Variants in PDS5A observed in about 807,000 individuals in gnomAD.
The protein encoded by PDS5A is PDS5 cohesin associated factor A, also known as sister chromatid cohesion protein PDS5 homolog A.
In PDS5A, 42 loss-of-function variants were observed where a neutral mutation model predicts 167.1. The ratio of observed to expected loss-of-function variants is 0.25; its 90% CI spans 0.20 to 0.33. The LOEUF is 0.33. Among genes scored for constraint, PDS5A ranks in the 10% least tolerant of loss-of-function variants. The pLI is 1.00. For synonymous variants in PDS5A, 553 were observed against 554.6 expected, an observed-to-expected ratio of 1.00 and a Z score of 0.04; for missense variants, 1,033 against 1,605.9, an observed-to-expected ratio of 0.64 and a Z score of 6.10.
intron 31 of PDS5A, among the ~76,000 whole-genome samples, chr4:39,841,215 C>T (rs1047834915): frequency 6.6e-6 from 1 of 152,238 alleles, no homozygotes; most frequent in African/African-American, 2.4e-5. Context: ...TCTTAGCTCA[C>T]TGCAACCTCC....
chr4:39,930,873 A>T (rs1331639747), intron 2 of PDS5A, among the ~76,000 whole-genome samples: 1 of 152,250 alleles, frequency 6.6e-6, no homozygotes, highest in Non-Finnish European at 1.5e-5. Context: ...CAAAACTCAT[A>T]GGATGCACTT....
At position 39,898,420 on chromosome 4, in the gene PDS5A, G is replaced by T; in HGVS notation, c.1739C>A (p.Thr580Asn). The change falls in exon 16 of 33, where the codon ACC becomes AAC. Residue 580 changes from threonine (T) to asparagine (N), a missense_variant. Transcript: ENST00000303538. ...AATATCTGCTTGTTTGCAAGAACAG[G>T]TTGGGCTAATTAATAACTCCAACTG... The part of the protein sequence containing the change: ...RSQLELLISP[T>N]CSCKQADICV... The T allele has an allele frequency of 6.3e-7, 1 of 1,587,580 alleles. No homozygotes were observed. Among genetic ancestry groups the T allele is most frequent in the Middle Eastern group, 1.7e-4 (1 of 6,026 alleles).
At chr4:39,909,620 T>G (rs1265820896) in intron 10 of PDS5A, among the ~76,000 whole-genome samples, 1 of 152,232 alleles carries the variant, frequency 6.6e-6, no homozygotes, top group Non-Finnish European at 1.5e-5. Context: ...TATTTTATAA[T>G]CTGTTCAAAA....
intron 2 of PDS5A, among the ~76,000 whole-genome samples, chr4:39,972,851 AT>A (rs1251875646): frequency 1.4e-5 from 2 of 142,870 alleles, no homozygotes; most frequent in African/African-American, 2.6e-5. Context: ...GCTGAAAATT[AT>A]TTTTCCCAGG....
chr4:39,871,504 C>CCT (rs1720025502), intron 21 of PDS5A, among the ~76,000 whole-genome samples: 1 of 152,138 alleles, frequency 6.6e-6, no homozygotes, highest in East Asian at 1.9e-4. Flanking sequence ...AGAAGGGGCA[C>CCT]TAGCAGGTGT....
At chr4:39,883,423 C>T (rs1245129723) in intron 17 of PDS5A, among the ~76,000 whole-genome samples, 12 of 152,312 alleles carry the variant, frequency 7.9e-5, no homozygotes, top group South Asian at 2.1e-4. Flanking sequence ...GCAGGTGATC[C>T]GCCCACTTCG....
At chr4:39,939,260 G>C (rs1291812092) in intron 2 of PDS5A, among the ~76,000 whole-genome samples, 1 of 151,976 alleles carries the variant, frequency 6.6e-6, no homozygotes, top group Admixed American at 6.6e-5. Flanking sequence ...CCAAGTGTTG[G>C]AGACCAACCT....
At chr4:39,934,045 G>A (rs1194671264) in intron 2 of PDS5A, among the ~76,000 whole-genome samples, 2 of 152,124 alleles carry the variant, frequency 1.3e-5, no homozygotes, top group African/African-American at 4.8e-5. Context: ...GAAGATAGAG[G>A]GAAGAAGCAT....
At chr4:39,906,917 T>TAAAAAAAAAAAA (rs1191690836) in intron 11 of PDS5A, among the ~76,000 whole-genome samples, 6 of 54,034 alleles carry the variant, frequency 1.1e-4, no homozygotes, top group African/African-American at 1.2e-4. Context: ...ATTTCTTACA[T>TAAAAAAAAAAAA]AAAAAAAAAA....
chr4:39,954,213 A>T (rs1728687726), intron 2 of PDS5A, among the ~76,000 whole-genome samples: 1 of 151,640 alleles, frequency 6.6e-6, no homozygotes, highest in Admixed American at 6.6e-5. Context: ...AAAAGAAATT[A>T]GCTGGGCAGG....
intron 10 of PDS5A, chr4:39,908,964 C>G (rs1025621424): frequency 6.4e-6 from 1 of 157,270 alleles, no homozygotes; most frequent in South Asian, 1.9e-4. Flanking sequence ...AACTTGAGCC[C>G]AGAGGTCAAG....
In PDS5A at chr4:39,897,899, A is replaced by G. The variant is rs920409918; in HGVS notation, c.1770+490T>C. 19 of 329,744 alleles carry G rather than the reference A, an allele frequency of 5.8e-5. No homozygotes were observed. The East Asian group carries it at 1.9e-3, about 32-fold the overall frequency. 20.4% of individuals were successfully genotyped at this position (329,744 alleles called of 1,614,324 possible). A position where few individuals can be genotyped will look rare whatever the true frequency, so the allele number is the denominator to read the frequency against. Reference sequence around the variant, plus strand: ...AAAAAAAAGCTGAATAAATGAATGCATAAGTTTTCCCTCCTGATAGCTTTA... The same window carrying G: ...AAAAAAAAGCTGAATAAATGAATGCGTAAGTTTTCCCTCCTGATAGCTTTA... On this transcript the variant is annotated intron_variant, in intron 16 of 32. Coordinates refer to ENST00000303538, the MANE Select transcript of PDS5A (RefSeq NM_001100399.2).
chr4:39,867,328 G>C (rs536682289), intron 22 of PDS5A, among the ~76,000 whole-genome samples: 1 of 151,814 alleles, frequency 6.6e-6, no homozygotes, highest in Non-Finnish European at 1.5e-5. Flanking sequence ...CCAGAATTTA[G>C]GCTTCTCATA....
At chr4:39,927,752 C>A (rs1384165771) in intron 3 of PDS5A, among the ~76,000 whole-genome samples, 1 of 152,128 alleles carries the variant, frequency 6.6e-6, no homozygotes, top group African/African-American at 2.4e-5. Flanking sequence ...TGAACTATAC[C>A]TTTCTATGCT....
Position 39,922,644 on chromosome 4 carries a change from A to G in PDS5A, c.632T>C (p.Ile211Thr). ...GACCTTATGTGCAGGAATGAGGTTAATAAGAATGGAGTCCAATAATTCTTG... is the reference window on the plus strand; with the variant it reads ...GACCTTATGTGCAGGAATGAGGTTAGTAAGAATGGAGTCCAATAATTCTTG... ...VTQELLDSIL[I>T]NLIPAHKNLN... Residue 211 changes from isoleucine to threonine, a missense_variant, in exon 6 of 33, where the codon ATT becomes ACT. By Grantham distance (89) the Ile-to-Thr change is moderately conservative. Around this residue, in one of 4 missense-constraint regions of PDS5A, gnomAD observed 388 missense variants for 615.1 expected, o/e 0.63. Coordinates refer to ENST00000303538, the MANE Select transcript of PDS5A (RefSeq NM_001100399.2). 3 of 1,596,210 alleles carry G rather than the reference A, an allele frequency of 1.9e-6. No homozygotes were observed. Among genetic ancestry groups the G allele is most frequent in the Non-Finnish European group, 1.7e-6 (2 of 1,172,136 alleles).
chr4:39,948,226 A>G (rs75827282), intron 2 of PDS5A, among the ~76,000 whole-genome samples: 12,777 of 146,156 alleles, frequency 0.087, 707 homozygotes, highest in East Asian at 0.2. Flanking sequence ...AAAAAAAAAA[A>G]AAAGAAAGAA....
chr4:39,835,082 G>A (rs573168246), intron 32 of PDS5A, among the ~76,000 whole-genome samples: 2 of 152,166 alleles, frequency 1.3e-5, no homozygotes, highest in South Asian at 4.1e-4. Flanking sequence ...GAGATTACAG[G>A]GGTGCGCCAC....
At chr4:39,915,628 G>T (rs1724304904) in intron 8 of PDS5A, among the ~76,000 whole-genome samples, 1 of 151,984 alleles carries the variant, frequency 6.6e-6, no homozygotes, top group African/African-American at 2.4e-5. Flanking sequence ...CCAAAGTGCT[G>T]GGATTACAGG....
At chr4:39,906,282 C>T (rs561907351) in intron 11 of PDS5A, among the ~76,000 whole-genome samples, 52 of 152,012 alleles carry the variant, frequency 3.4e-4, no homozygotes, top group Non-Finnish European at 6.8e-4. Flanking sequence ...GTGGGAGGAT[C>T]GCTTGAGCCT....
Sources: allele counts gnomAD v4.1 joint callset (sites outside exome capture counted in the v4.1 genomes callset), GRCh38; gene constraint gnomAD v4.1.1; regional missense constraint gnomAD v4.1.1; transcripts MANE v1.5; gene names NCBI Gene and HGNC (gene_info 2026-07-23, HGNC 2026-07-21).